Variants in HMGB1 observed in about 807,000 individuals in gnomAD.
HMGB1 encodes the protein high mobility group protein B1.
For synonymous variants in HMGB1, 81 were observed against 84.0 expected (o/e 0.96, Z 0.19); for missense variants, 79 against 253.5 (o/e 0.31, Z 4.67).
chr13:30,565,738 C>T (rs1030280371), intron 1 of HMGB1, among the ~76,000 whole-genome samples: 3 of 152,320 alleles, frequency 2.0e-5, no homozygotes, highest in African/African-American at 7.2e-5. Context: ...TATTTACTCT[C>T]TGGCTGCCTA....
intron 1 of HMGB1, among the ~76,000 whole-genome samples, chr13:30,474,821 T>G (rs1334305533): frequency 7.1e-6 from 1 of 141,804 alleles, no homozygotes; most frequent in African/African-American, 2.7e-5. Context: ...AGTGCAATGG[T>G]GCAACCTTGG....
intron 1 of HMGB1, among the ~76,000 whole-genome samples, chr13:30,529,412 C>T (rs1593292922): frequency 6.6e-6 from 1 of 152,164 alleles, no homozygotes; most frequent in Non-Finnish European, 1.5e-5. Context: ...TGAGCTATCA[C>T]CAAAAAGCTG....
At chr13:30,617,354 C>G (rs1160030479) in exon 1 of HMGB1, 1 of 152,100 alleles carries the variant, frequency 6.6e-6, no homozygotes, top group Non-Finnish European at 1.5e-5. Context: ...AACATGCACT[C>G]TGTGGCAGCT....
rs74043503 is a variant in HMGB1, at chr13:30,560,300, G to A, written c.-15+56371C>T. ...GGTGGTCAGCAGTGTCTAATGCCAC[G>A]AAGGCACAAAGTAGGATAAAGGTTA... On this transcript the variant is annotated intron_variant, in intron 1 of 4. Transcript: ENST00000405805. Among the ~76,000 whole-genome samples, 469 of 152,302 alleles carry A rather than the reference G, an allele frequency of 3.1e-3. 4 individuals carry two copies. Among genetic ancestry groups the A allele is most frequent in the Non-Finnish European group, 5.4e-3 (366 of 68,032 alleles).
intron 1 of HMGB1, among the ~76,000 whole-genome samples, chr13:30,607,946 C>G (rs552692203): frequency 6.6e-6 from 1 of 152,210 alleles, no homozygotes; most frequent in East Asian, 1.9e-4. Context: ...GTAGCCGGCC[C>G]CCAAGATGGC....
chr13:30,540,139 G>A (rs1300647122), intron 1 of HMGB1: 1 of 156,908 alleles, frequency 6.4e-6, no homozygotes, highest in Non-Finnish European at 1.4e-5. Context: ...CATGGTTGAA[G>A]TCTGCTTTAG....
intron 1 of HMGB1, among the ~76,000 whole-genome samples, chr13:30,585,233 A>G (rs888239858): frequency 6.6e-6 from 1 of 151,960 alleles, no homozygotes; most frequent in Non-Finnish European, 1.5e-5. Flanking sequence ...GGGTCACCTG[A>G]GCCTGGAAGG....
At chr13:30,465,287 C>G (rs1159690922) in intron 1 of HMGB1, 1 of 140,430 alleles carries the variant, frequency 7.1e-6, no homozygotes, top group African/African-American at 2.6e-5. Context: ...CGGCGCCCCG[C>G]CCGCCCCGCC....
chr13:30,586,752 G>A (rs1035782235), intron 1 of HMGB1, among the ~76,000 whole-genome samples: 1 of 151,870 alleles, frequency 6.6e-6, no homozygotes, highest in Admixed American at 6.6e-5. Context: ...CCCAAAGGTT[G>A]GGAAAAGATA....
intron 1 of HMGB1, among the ~76,000 whole-genome samples, chr13:30,589,098 C>G (rs1593330253): frequency 6.6e-6 from 1 of 151,232 alleles, no homozygotes; most frequent in South Asian, 2.1e-4. Flanking sequence ...CTCTGTCTCC[C>G]AGGTTTAAGC....
chr13:30,468,954 C>A, upstream of HMGB1, among the ~76,000 whole-genome samples: 1 of 151,738 alleles, frequency 6.6e-6, no homozygotes, highest in East Asian at 1.9e-4. Context: ...AGTGGAATGG[C>A]ACGATCTCAG....
upstream of HMGB1, among the ~76,000 whole-genome samples, chr13:30,470,529 A>G (rs188663059): frequency 3.3e-5 from 5 of 152,362 alleles, no homozygotes; most frequent in Admixed American, 3.3e-4. Context: ...CCAGTTTCCA[A>G]TTAGGCCAAG....
At chr13:30,494,363 A>G (rs547238791) in intron 1 of HMGB1, among the ~76,000 whole-genome samples, 2 of 149,996 alleles carry the variant, frequency 1.3e-5, no homozygotes, top group South Asian at 4.2e-4. Flanking sequence ...TACCATTTTA[A>G]CCACTTTTTT....
intron 1 of HMGB1, among the ~76,000 whole-genome samples, chr13:30,537,676 T>C (rs1331002589): frequency 7.5e-6 from 1 of 133,662 alleles, no homozygotes; most frequent in African/African-American, 2.7e-5. Flanking sequence ...TATATATATA[T>C]ATATATATAT....
At chr13:30,605,920 C>T (rs747379352) in intron 1 of HMGB1, among the ~76,000 whole-genome samples, 2 of 152,110 alleles carry the variant, frequency 1.3e-5, no homozygotes, top group Non-Finnish European at 2.9e-5. Flanking sequence ...GATGTATCTC[C>T]TAAAATAAGT....
chr13:30,475,133 TCTC>T (rs1188744532), intron 1 of HMGB1, among the ~76,000 whole-genome samples: 2 of 67,276 alleles, frequency 3.0e-5, no homozygotes, highest in African/African-American at 4.9e-5. Context: ...TCTCTCTCTC[TCTC>T]TCTTTTTTTT....
chr13:30,510,021 G>A (rs1887954701), intron 1 of HMGB1, among the ~76,000 whole-genome samples: 1 of 152,134 alleles, frequency 6.6e-6, no homozygotes, highest in Non-Finnish European at 1.5e-5. Context: ...TTTCACCTGT[G>A]TGTCCCATAG....
intron 1 of HMGB1, among the ~76,000 whole-genome samples, chr13:30,596,391 A>G (rs1287186467): frequency 2.0e-5 from 3 of 152,204 alleles, no homozygotes; most frequent in Non-Finnish European, 4.4e-5. Flanking sequence ...GCATGAAGTT[A>G]CATGTGGTTT....
chr13:30,464,407 C>T (rs1886576414), intron 1 of HMGB1: 2 of 985,450 alleles, frequency 2.0e-6, no homozygotes. Context: ...TCGGTGGCCC[C>T]CTCCCCCAAC....
Sources: allele counts gnomAD v4.1 joint callset (sites outside exome capture counted in the v4.1 genomes callset), GRCh38; gene constraint gnomAD v4.1.1; transcripts MANE v1.5; gene names NCBI Gene and HGNC (gene_info 2026-07-23, HGNC 2026-07-21).